MTSS1: variants seen among roughly 807,000 people sequenced by gnomAD.
MTSS1 encodes the protein MTSS I-BAR domain containing 1, also known as protein MTSS 1.
A neutral mutation model predicts 79.0 loss-of-function variants in MTSS1; 18 were observed. The observed-to-expected ratio is 0.23, with a 90% CI of 0.16 to 0.34. The LOEUF (loss-of-function observed/expected upper bound fraction) is 0.34. MTSS1 is among the 10% of genes least tolerant of loss of function. MTSS1 has a pLI of 1.00. For missense variants in MTSS1, 815 were observed against 986.2 expected (o/e 0.83, Z 2.33); for synonymous variants, 341 against 368.6 (o/e 0.93, Z 0.86).
chr8:124,557,577 G>GA (rs1355730951), intron 11 of MTSS1, 104 bp downstream of exon 11: 1 of 1,196,602 alleles, frequency 8.4e-7, no homozygotes, highest in Non-Finnish European at 1.2e-6. Context: ...GGCAGAGTGT[G>GA]AAAGGAAGGG....
At chr8:124,617,179 T>A (rs1021712152) in intron 3 of MTSS1, among the ~76,000 whole-genome samples, 1 of 152,194 alleles carries the variant, frequency 6.6e-6, no homozygotes, top group Non-Finnish European at 1.5e-5. Flanking sequence ...ATTCCCAGAA[T>A]ACCAGCGGCA....
At chr8:124,601,147 A>C (rs1249425985) in intron 3 of MTSS1, among the ~76,000 whole-genome samples, 1 of 130,538 alleles carries the variant, frequency 7.7e-6, no homozygotes, top group African/African-American at 3.0e-5. Flanking sequence ...TGCAACCTCC[A>C]CCTCCCGGGT....
At chr8:124,634,750 T>C (rs1046147461) in intron 3 of MTSS1, among the ~76,000 whole-genome samples, 18 of 152,004 alleles carry the variant, frequency 1.2e-4, no homozygotes, top group Non-Finnish European at 1.5e-5. Context: ...TCCTTGGTAT[T>C]CAAAGTGTGC....
intron 3 of MTSS1, among the ~76,000 whole-genome samples, chr8:124,652,046 C>A (rs540066551): frequency 2.4e-4 from 37 of 152,340 alleles, no homozygotes; most frequent in African/African-American, 8.9e-4. Flanking sequence ...TGGCTAGATT[C>A]ACCCATTTCA....
chr8:124,611,448 A>G (rs1463437077), intron 3 of MTSS1, among the ~76,000 whole-genome samples: 3 of 152,164 alleles, frequency 2.0e-5, no homozygotes, highest in African/African-American at 7.2e-5. Flanking sequence ...TCCAGCTGTC[A>G]GCTGGCATCC....
intron 3 of MTSS1, among the ~76,000 whole-genome samples, chr8:124,623,627 TTTTGTTTG>T (rs34585373): frequency 1.4e-4 from 22 of 152,022 alleles, no homozygotes; most frequent in Non-Finnish European, 2.9e-4. Flanking sequence ...TTCTGTGTTT[TTTTGTTTG>T]TTTGTTTGTT....
At chr8:124,614,224 T>A (rs1359299508) in intron 3 of MTSS1, among the ~76,000 whole-genome samples, 1 of 145,426 alleles carries the variant, frequency 6.9e-6, no homozygotes, top group Non-Finnish European at 1.5e-5. Context: ...AAGACATGGG[T>A]CCCGCCCCAC....
At position 124,557,633 on chromosome 8, in the gene MTSS1, G is replaced by A. The variant is rs370527219; in HGVS notation, c.1230+48C>T. The A allele has an allele frequency of 9.3e-5, 139 of 1,495,140 alleles. No individual in the cohort carries two copies. The African/African-American group carries it at 1.7e-3, about 18-fold the overall frequency. 92.6% of individuals were successfully genotyped at this position (1,495,140 alleles called of 1,614,324 possible). On this transcript the variant is annotated intron_variant, in intron 11 of 13. Transcript: ENST00000518547. Reference sequence around the variant, plus strand: ...GAGGGGGTTGGAACAGAAGAGGGGTGAGCACAGAGGCAATGACGGGGAGAG... The same window carrying A: ...GAGGGGGTTGGAACAGAAGAGGGGTAAGCACAGAGGCAATGACGGGGAGAG...
intron 3 of MTSS1, among the ~76,000 whole-genome samples, chr8:124,640,177 C>T (rs1050010275): frequency 6.6e-6 from 1 of 152,192 alleles, no homozygotes; most frequent in African/African-American, 2.4e-5. Flanking sequence ...ACAAACCCAG[C>T]CTTCTTGATT....
chr8:124,616,985 C>T (rs1053452916), intron 3 of MTSS1, among the ~76,000 whole-genome samples: 5 of 152,062 alleles, frequency 3.3e-5, no homozygotes, highest in Non-Finnish European at 4.4e-5. Flanking sequence ...TGGCCTGCCA[C>T]AAATCCCACT....
At chr8:124,628,550 G>A (rs1405253298) in intron 3 of MTSS1, among the ~76,000 whole-genome samples, 1 of 152,144 alleles carries the variant, frequency 6.6e-6, no homozygotes, top group Non-Finnish European at 1.5e-5. Context: ...CTCTGGGAAG[G>A]GGCAGAAGAA....
chr8:124,725,061 AG>A lies in MTSS1; in HGVS notation c.72+2822del, dbSNP rs527489317. Among the ~76,000 whole-genome samples the A allele has an allele frequency of 7.8e-4, 119 of 152,344 alleles. 1 individual carries two copies. Among genetic ancestry groups the A allele is most frequent in the African/African-American group, 2.7e-3 (113 of 41,582 alleles). ...GTTCATTAGCGACCACCACCACAGCAGGGTAGAATAAACGGGAAACAAACCA... is the reference window on the plus strand; with the variant it reads ...GTTCATTAGCGACCACCACCACAGCAGGTAGAATAAACGGGAAACAAACCA... On this transcript the variant is annotated intron_variant, in intron 1 of 13. Transcript: ENST00000518547.
At chr8:124,703,991 C>A in intron 2 of MTSS1, 139 bp downstream of exon 2, 1 of 702,212 alleles carries the variant, frequency 1.4e-6, no homozygotes, top group African/African-American at 1.7e-5. Context: ...TGATCATGCT[C>A]CAATCAGAAC....
At chr8:124,708,237 G>A in intron 1 of MTSS1, among the ~76,000 whole-genome samples, 1 of 152,180 alleles carries the variant, frequency 6.6e-6, no homozygotes, top group Admixed American at 6.5e-5. Flanking sequence ...ATCTTCACAG[G>A]GCTGAGAGGA....
chr8:124,714,496 C>T (rs1373672508), intron 1 of MTSS1, among the ~76,000 whole-genome samples: 4 of 151,962 alleles, frequency 2.6e-5, no homozygotes, highest in East Asian at 1.9e-4. Flanking sequence ...GGAGTCTTGC[C>T]GTGTTGCCCA....
At chr8:124,722,701 A>C (rs1461781738) in intron 1 of MTSS1, among the ~76,000 whole-genome samples, 5 of 152,304 alleles carry the variant, frequency 3.3e-5, no homozygotes, top group Admixed American at 3.3e-4. Context: ...TTCCCTTTAA[A>C]TGGCCCCCAA....
chr8:124,622,322 G>A (rs757935197), intron 3 of MTSS1, among the ~76,000 whole-genome samples: 1 of 151,786 alleles, frequency 6.6e-6, no homozygotes, highest in African/African-American at 2.4e-5. Context: ...GGTGGGGGAG[G>A]TGAAGGAGGA....
At chr8:124,668,044 C>T (rs763799622) in intron 3 of MTSS1, among the ~76,000 whole-genome samples, 2 of 151,960 alleles carry the variant, frequency 1.3e-5, no homozygotes, top group South Asian at 2.1e-4. Context: ...GCCATGATCG[C>T]GCCACTGCAC....
intron 3 of MTSS1, among the ~76,000 whole-genome samples, chr8:124,679,180 G>A (rs527749762): frequency 6.6e-6 from 1 of 152,362 alleles, no homozygotes; most frequent in South Asian, 2.1e-4. Context: ...CAAGCCTAGT[G>A]CTGGCATCTC....
Sources: gnomAD v4.1 joint callset for allele counts (sites outside exome capture counted in the v4.1 genomes callset) on GRCh38, gnomAD v4.1.1 for gene constraint, MANE v1.5 for transcripts, NCBI Gene and HGNC (gene_info 2026-07-23, HGNC 2026-07-21) for gene names.